SVEP1: variants seen among roughly 807,000 people sequenced by gnomAD.
SVEP1 encodes the protein sushi, von Willebrand factor type A, EGF and pentraxin domain containing 1.
SVEP1 carries 164 observed loss-of-function variants against 367.3 expected under a neutral mutation model. That is an observed-to-expected ratio of 0.45 (90% confidence interval 0.39 to 0.51). The LOEUF (loss-of-function observed/expected upper bound fraction) is 0.51. Among genes scored for constraint, SVEP1 ranks in the 20% least tolerant of loss-of-function variants. SVEP1 has a pLI of 0.00. For synonymous variants in SVEP1, 1,666 were observed against 1,611.6 expected (o/e 1.03, Z -0.81); for missense variants, 4,117 against 4,425.3 (o/e 0.93, Z 1.98).
rs1487174996 is a variant in SVEP1 at position 110,446,910 on chromosome 9, C to T, written c.4251G>A (p.Arg1417=). ...CKCQPGFSGK[R]CETEQSTGFN... ...TGAGTTGATACATACCTGTTTCACA[C>T]CTTTTGCCTGAAAATCCTGGCTGAC... Residue 1417 remains arginine (R), a synonymous_variant, in exon 25 of 48, where the codon AGG becomes AGA. Transcript: ENST00000374469. The T allele has an allele frequency of 2.0e-6, 3 of 1,535,836 alleles. No homozygotes were observed. The highest frequency in any genetic ancestry group is 4.9e-5 in the East Asian group (2 of 40,498).
rs1170589289 is a variant in SVEP1 at position 110,513,027 on chromosome 9, G to A, written c.1202C>T (p.Ala401Val). The A allele has an allele frequency of 6.2e-7, 1 of 1,613,902 alleles. No homozygotes were observed. ...QNTCNNHFNA[A>V]CGVRCHPGFD... The stretch of plus-strand genomic sequence containing the variant: ...TCCAGGGTGACATCGGACCCCACAG[G>A]CTGCATTGAAGTGGTTGTTGCAAGT... Residue 401 changes from alanine to valine, a missense_variant, in exon 5 of 48, where the codon GCC becomes GTC. By Grantham distance (64) the Ala-to-Val change is moderately conservative. Around this residue, in one of 4 missense-constraint regions of SVEP1, gnomAD observed 2,174 missense variants for 2,494.3 expected, o/e 0.87. Coordinates refer to ENST00000374469, the MANE Select transcript of SVEP1 (RefSeq NM_153366.4).
At chr9:110,477,150 T>C (rs551052082) in intron 13 of SVEP1, among the ~76,000 whole-genome samples, 1 of 152,318 alleles carries the variant, frequency 6.6e-6, no homozygotes, top group East Asian at 1.9e-4. Flanking sequence ...CCTGTAGTCA[T>C]ACCCTCAGAC....
chr9:110,566,724 C>A (rs754879078), intron 1 of SVEP1, among the ~76,000 whole-genome samples: 11 of 152,180 alleles, frequency 7.2e-5, no homozygotes, highest in Non-Finnish European at 1.5e-4. Context: ...CTATCTGAAT[C>A]TGTGCAATAT....
intron 8 of SVEP1, among the ~76,000 whole-genome samples, chr9:110,492,847 C>A (rs755761481): frequency 2.0e-5 from 3 of 152,158 alleles, no homozygotes; most frequent in East Asian, 1.9e-4. Context: ...CATAGATTCA[C>A]CCCAATGTGA....
intron 36 of SVEP1, among the ~76,000 whole-genome samples, chr9:110,423,545 TC>T (rs1828208054): frequency 6.6e-6 from 1 of 152,184 alleles, no homozygotes; most frequent in Non-Finnish European, 1.5e-5. Flanking sequence ...TCTAAAGTCT[TC>T]AAGTTGTTCA....
At chr9:110,448,349 T>C (rs978141754) in intron 24 of SVEP1, among the ~76,000 whole-genome samples, 1 of 152,262 alleles carries the variant, frequency 6.6e-6, no homozygotes, top group African/African-American at 2.4e-5. Context: ...TATTTTGTAA[T>C]TTAAAAGGAC....
chr9:110,579,710 C>T lies in SVEP1; in HGVS notation c.-167G>A, dbSNP rs1202453752. 5.1e-6 allele frequency: 4 copies of T among 782,556 alleles called. No homozygotes were observed. The African/African-American group carries it at 7.5e-5, about 15-fold the overall frequency. The allele number at this position is 782,556 out of a possible 1,614,324, so 48.5% of individuals were successfully genotyped here. On this transcript the variant is annotated 5_prime_UTR_variant, in exon 1 of 48. Coordinates refer to ENST00000374469, the MANE Select transcript of SVEP1 (RefSeq NM_153366.4). This position sits in a 1 kb window ranked among gnomAD's most constrained non-coding sequence, Gnocchi z 5.3. The stretch of plus-strand genomic sequence containing the variant: ...ACACTGGGGACAGACACAATCCAGA[C>T]TCCTCAGCAGCTCGGGAACTCCGGA...
chr9:110,449,343 TA>T (rs545077495), intron 24 of SVEP1, among the ~76,000 whole-genome samples: 15 of 149,146 alleles, frequency 1.0e-4, no homozygotes, highest in Middle Eastern at 3.4e-3. Flanking sequence ...GTTACTAAAC[TA>T]AAAAAAAAAG....
In SVEP1 at chr9:110,443,856, T is replaced by C. The variant is rs2118590973; in HGVS notation, c.4464-136A>G. 5 of 670,588 alleles carry C rather than the reference T, an allele frequency of 7.5e-6. No homozygotes were observed. The South Asian group carries it at 2.2e-4, about 30-fold the overall frequency. 41.5% of individuals were successfully genotyped at this position (670,588 alleles called of 1,614,324 possible). ...TTGTGTAAATCCATTACTCTTTTTT[T>C]TTCTCCATTTGGTCACATTTTGTAG... On this transcript the variant is annotated intron_variant, in intron 26 of 47. Coordinates refer to ENST00000374469, the MANE Select transcript of SVEP1 (RefSeq NM_153366.4).
chr9:110,522,015 T>C (rs1015036114), intron 3 of SVEP1, among the ~76,000 whole-genome samples: 1 of 152,230 alleles, frequency 6.6e-6, no homozygotes, highest in African/African-American at 2.4e-5. Flanking sequence ...CAAAGGAATA[T>C]TAAATTTTTA....
intron 3 of SVEP1, among the ~76,000 whole-genome samples, chr9:110,541,053 G>A (rs1830138687): frequency 6.6e-6 from 1 of 152,074 alleles, no homozygotes; most frequent in Admixed American, 6.6e-5. Context: ...CTTGGCCTGG[G>A]AATTGGAATA....
At chr9:110,500,071 C>G (rs566491617) in intron 6 of SVEP1, among the ~76,000 whole-genome samples, 2 of 152,302 alleles carry the variant, frequency 1.3e-5, no homozygotes, top group South Asian at 2.1e-4. Context: ...TAGTAACTTT[C>G]CTAAAGTCAC....
At chr9:110,374,203 C>T (rs1011805699) in intron 46 of SVEP1, among the ~76,000 whole-genome samples, 9 of 152,106 alleles carry the variant, frequency 5.9e-5, no homozygotes, top group Admixed American at 4.6e-4. Context: ...TACGTGTTTA[C>T]GTGTTCCCAT....
intron 25 of SVEP1, 57 bp from the exon 26 acceptor site, chr9:110,446,095 T>C: frequency 6.7e-7 from 1 of 1,493,846 alleles, no homozygotes; most frequent in Non-Finnish European, 9.1e-7. Context: ...TTTCCAATTG[T>C]CAGAGGAAGC....
At chr9:110,391,211 T>G (rs1370831330) in intron 40 of SVEP1, among the ~76,000 whole-genome samples, 1 of 152,164 alleles carries the variant, frequency 6.6e-6, no homozygotes, top group African/African-American at 2.4e-5. Flanking sequence ...AGTTTATGTT[T>G]CTGTGATGAT....
rs1231951496 is a variant in SVEP1, at chr9:110,499,364, C to G, written c.1484-126G>C. On this transcript the variant is annotated intron_variant, in intron 6 of 47. Transcript: ENST00000374469. ...ATTTACGTAAATTGCTAAATGATAA[C>G]TATATATGACATTGAATGTATAATA... 8.8e-6 allele frequency: 7 copies of G among 794,356 alleles called. No individual in the cohort carries two copies. The African/African-American group carries it at 1.0e-4, about 12-fold the overall frequency. The allele number at this position is 794,356 out of a possible 1,614,324, so 49.2% of individuals were successfully genotyped here.
chr9:110,394,121 T>A (rs944825984), intron 40 of SVEP1, among the ~76,000 whole-genome samples: 1 of 152,080 alleles, frequency 6.6e-6, no homozygotes, highest in African/African-American at 2.4e-5. Flanking sequence ...AGGGGCGGAC[T>A]GACACCTCAC....
At chr9:110,552,630 G>C (rs922613957) in intron 1 of SVEP1, among the ~76,000 whole-genome samples, 2 of 151,826 alleles carry the variant, frequency 1.3e-5, no homozygotes, top group Non-Finnish European at 1.5e-5. Context: ...TAGATCCCTC[G>C]CATACAGTTC....
intron 9 of SVEP1, among the ~76,000 whole-genome samples, chr9:110,486,426 G>C (rs917604464): frequency 1.3e-4 from 20 of 152,188 alleles, no homozygotes; most frequent in Non-Finnish European, 2.8e-4. Context: ...AATACTCTGT[G>C]GCAGCCAAGG....
Sources: allele counts gnomAD v4.1 joint callset (sites outside exome capture counted in the v4.1 genomes callset), GRCh38; gene constraint gnomAD v4.1.1; regional missense constraint gnomAD v4.1.1; non-coding constraint Gnocchi (gnomAD v3.1); transcripts MANE v1.5; gene names NCBI Gene and HGNC (gene_info 2026-07-23, HGNC 2026-07-21).